The following TMEM117 variants were observed in gnomAD, a reference collection of about 807,000 sequenced individuals.
TMEM117 encodes transmembrane protein 117.
Under a neutral mutation model 52.4 loss-of-function variants are expected in TMEM117, and 27 were observed. The observed-to-expected ratio is 0.51, with a 90% CI of 0.38 to 0.71. The LOEUF (loss-of-function observed/expected upper bound fraction) is 0.71. Among genes scored for constraint, TMEM117 ranks in the 30% least tolerant of loss-of-function variants. TMEM117 has a pLI of 0.00. For missense variants in TMEM117, 556 were observed against 630.5 expected (o/e 0.88, Z 1.26); for synonymous variants, 215 against 206.3 (o/e 1.04, Z -0.36).
chr12:44,274,488 A>G (rs1950487653), intron 5 of TMEM117, among the ~76,000 whole-genome samples: 1 of 152,136 alleles, frequency 6.6e-6, no homozygotes, highest in Non-Finnish European at 1.5e-5. Context: ...GAGACCCAGA[A>G]CAGCCAAAGC....
At chr12:44,329,603 T>G (rs977000244) in intron 6 of TMEM117, among the ~76,000 whole-genome samples, 13 of 152,032 alleles carry the variant, frequency 8.6e-5, no homozygotes, top group African/African-American at 2.9e-4. Context: ...TCACGATGCA[T>G]CTCCAGAAAT....
intron 2 of TMEM117, among the ~76,000 whole-genome samples, chr12:43,895,199 C>T (rs183165592): frequency 2.6e-5 from 4 of 152,170 alleles, no homozygotes; most frequent in Admixed American, 2.0e-4. Context: ...TTTTATGTGT[C>T]GATGTGTTCT....
intron 2 of TMEM117, among the ~76,000 whole-genome samples, chr12:43,866,876 A>G (rs533991798): frequency 2.6e-5 from 4 of 152,316 alleles, no homozygotes; most frequent in Admixed American, 6.5e-5. Context: ...GGATCACCTG[A>G]GGTCGGGAGG....
At chr12:44,213,632 G>C (rs1180354786) in intron 5 of TMEM117, among the ~76,000 whole-genome samples, 1 of 152,168 alleles carries the variant, frequency 6.6e-6, no homozygotes, top group African/African-American at 2.4e-5. Context: ...GGAGGTAATT[G>C]AATCATGGGG....
intron 5 of TMEM117, among the ~76,000 whole-genome samples, chr12:44,268,390 C>G (rs887742510): frequency 6.6e-6 from 1 of 151,958 alleles, no homozygotes; most frequent in Admixed American, 6.6e-5. Context: ...GTGATCCACC[C>G]GCCTCGGCCT....
chr12:43,954,747 A>G lies in TMEM117; in HGVS notation c.410+10405A>G, dbSNP rs576174848. ...ATTTCTTCTGAAACTATTCCAAACA[A>G]TTGAAAAGGAGGGAATCCTCCATAA... On this transcript the variant is annotated intron_variant, in intron 3 of 7. Transcript: ENST00000266534. 1.1e-4 allele frequency among the ~76,000 whole-genome samples: 16 copies of G among 152,346 alleles called. No individual in the cohort carries two copies. The East Asian group carries it at 2.7e-3, about 26-fold the overall frequency.
At chr12:43,862,115 G>T (rs1309424860) in intron 2 of TMEM117, among the ~76,000 whole-genome samples, 1 of 152,200 alleles carries the variant, frequency 6.6e-6, no homozygotes, top group African/African-American at 2.4e-5. Flanking sequence ...TGAAGGCAAT[G>T]TGGAGTAGGG....
intron 4 of TMEM117, among the ~76,000 whole-genome samples, chr12:44,206,661 A>T (rs1482719398): frequency 6.6e-6 from 1 of 152,244 alleles, no homozygotes; most frequent in Non-Finnish European, 1.5e-5. Context: ...TGTCCTTTGC[A>T]GCAACATGGA....
At chr12:43,924,980 G>A (rs1944755319) in intron 2 of TMEM117, among the ~76,000 whole-genome samples, 1 of 152,168 alleles carries the variant, frequency 6.6e-6, no homozygotes, top group South Asian at 2.1e-4. Flanking sequence ...GATGGAAGAT[G>A]TTCTCTCAAA....
chr12:44,370,996 T>C (rs1375353453), intron 6 of TMEM117, among the ~76,000 whole-genome samples: 1 of 152,158 alleles, frequency 6.6e-6, no homozygotes, highest in Non-Finnish European at 1.5e-5. Context: ...ATGTCAAGGT[T>C]TCCAAGGATT....
Position 44,218,961 on chromosome 12 carries a change from A to G in TMEM117, c.608+7574A>G, listed in dbSNP as rs1238150931. On this transcript the variant is annotated intron_variant, in intron 5 of 7. Coordinates refer to ENST00000266534, the MANE Select transcript of TMEM117 (RefSeq NM_032256.3). Reference sequence around the variant, plus strand: ...GGAATCCAGTGTGGGCAGAGCTTGCACAGTACTGCACTGTATGGCGACAGT... The same window carrying G: ...GGAATCCAGTGTGGGCAGAGCTTGCGCAGTACTGCACTGTATGGCGACAGT... Among the ~76,000 whole-genome samples, 3 of 152,210 alleles carry G rather than the reference A, an allele frequency of 2.0e-5. No individual in the cohort carries two copies. The East Asian group carries it at 5.8e-4, about 29-fold the overall frequency.
At chr12:44,195,624 A>T (rs996883808) in intron 4 of TMEM117, among the ~76,000 whole-genome samples, 1 of 151,826 alleles carries the variant, frequency 6.6e-6, no homozygotes, top group Non-Finnish European at 1.5e-5. Flanking sequence ...AAGTTGATAT[A>T]GTTATATTGC....
chr12:43,851,544 C>G (rs983080036), intron 2 of TMEM117, among the ~76,000 whole-genome samples: 1 of 152,078 alleles, frequency 6.6e-6, no homozygotes, highest in Non-Finnish European at 1.5e-5. Flanking sequence ...TGAATAGAGA[C>G]ATCCAAAATT....
intron 6 of TMEM117, among the ~76,000 whole-genome samples, chr12:44,352,876 C>T (rs1951585090): frequency 6.6e-6 from 1 of 152,262 alleles, no homozygotes; most frequent in East Asian, 1.9e-4. Context: ...GCCACACTGT[C>T]TTCCACAATG....
At chr12:43,869,924 C>T (rs1185371199) in intron 2 of TMEM117, among the ~76,000 whole-genome samples, 1 of 152,102 alleles carries the variant, frequency 6.6e-6, no homozygotes, top group Non-Finnish European at 1.5e-5. Context: ...CCCACCACCC[C>T]CCATACTCTC....
chr12:43,909,532 C>G (rs1944455950), intron 2 of TMEM117, among the ~76,000 whole-genome samples: 1 of 144,220 alleles, frequency 6.9e-6, no homozygotes. Context: ...ACACAAAAAA[C>G]CCTTCAAAAA....
intron 3 of TMEM117, among the ~76,000 whole-genome samples, chr12:44,074,032 CAG>C (rs1947343266): frequency 6.6e-6 from 1 of 152,138 alleles, no homozygotes. Flanking sequence ...ACATGCCTAA[CAG>C]AGGGGTTAAC....
intron 2 of TMEM117, among the ~76,000 whole-genome samples, chr12:43,896,551 G>A (rs1386284889): frequency 6.6e-6 from 1 of 152,216 alleles, no homozygotes; most frequent in Non-Finnish European, 1.5e-5. Context: ...ACCTTGTACA[G>A]GGTAGGCAAC....
chr12:44,325,899 G>A lies in TMEM117; in HGVS notation c.768+26160G>A, dbSNP rs533724161. Among the ~76,000 whole-genome samples, 16 of 152,288 alleles carry A rather than the reference G, an allele frequency of 1.1e-4. No individual in the cohort carries two copies. In the East Asian group the frequency reaches 1.4e-3, roughly 13 times the overall value. On this transcript the variant is annotated intron_variant, in intron 6 of 7. Transcript: ENST00000266534. ...GTGAAGGCTGGGTGCAGTGGCTCACGCCTATAATTCCAGCACTCTGGGTGT... is the reference window on the plus strand; with the variant it reads ...GTGAAGGCTGGGTGCAGTGGCTCACACCTATAATTCCAGCACTCTGGGTGT...
Sources: gnomAD v4.1 joint callset for allele counts (sites outside exome capture counted in the v4.1 genomes callset) on GRCh38, gnomAD v4.1.1 for gene constraint, MANE v1.5 for transcripts, NCBI Gene and HGNC (gene_info 2026-07-23, HGNC 2026-07-21) for gene names.